Variants in RYR2 observed in about 807,000 individuals in gnomAD.
RYR2 encodes the protein ryanodine receptor 2, also known as cardiac muscle ryanodine receptor-calcium release channel.
Under a neutral mutation model 601.1 loss-of-function variants are expected in RYR2, and 227 were observed. The observed-to-expected ratio is 0.38, with a 90% CI of 0.34 to 0.42. RYR2 has a LOEUF of 0.42. Among genes scored for constraint, RYR2 ranks in the 10% least tolerant of loss-of-function variants. RYR2 has a pLI of 1.00. For synonymous variants in RYR2, 2,223 were observed against 2,175.1 expected (o/e 1.02, Z -0.61); for missense variants, 4,646 against 6,156.5 (o/e 0.75, Z 8.21).
At chr1:237,540,002 G>A (rs527823302) in intron 25 of RYR2, among the ~76,000 whole-genome samples, 64 of 152,060 alleles carry the variant, frequency 4.2e-4, no homozygotes, top group African/African-American at 1.4e-3. Flanking sequence ...TGGATGATTC[G>A]TTGTAGTTTT....
chr1:237,400,133 A>G (rs1240160359), intron 10 of RYR2, among the ~76,000 whole-genome samples: 2 of 152,218 alleles, frequency 1.3e-5, no homozygotes, highest in African/African-American at 2.4e-5. Flanking sequence ...ATCTTTGTTG[A>G]AAAACTGTAG....
chr1:237,470,944 T>C (rs1237207746), intron 17 of RYR2, among the ~76,000 whole-genome samples: 1 of 151,640 alleles, frequency 6.6e-6, no homozygotes, highest in African/African-American at 2.4e-5. Flanking sequence ...GAGATCACGA[T>C]TGAGAAATCT....
intron 1 of RYR2, among the ~76,000 whole-genome samples, chr1:237,131,281 A>G (rs1324159742): frequency 1.3e-5 from 2 of 152,052 alleles, no homozygotes; most frequent in African/African-American, 4.8e-5. Flanking sequence ...AACTTCTCAC[A>G]CTAATGGCCT....
At chr1:237,107,387 G>A (rs950020611) in intron 1 of RYR2, among the ~76,000 whole-genome samples, 18 of 151,270 alleles carry the variant, frequency 1.2e-4, no homozygotes, top group African/African-American at 2.9e-4. Flanking sequence ...TGGACGTGGT[G>A]GCGGGCGCCT....
chr1:237,072,396 G>A (rs1664471747), intron 1 of RYR2, among the ~76,000 whole-genome samples: 1 of 152,184 alleles, frequency 6.6e-6, no homozygotes, highest in Non-Finnish European at 1.5e-5. Context: ...GAGCGGATGG[G>A]CAGAGGAGAT....
chr1:237,330,754 G>A, intron 2 of RYR2, 124 bp from the exon 3 acceptor site: 2 of 729,000 alleles, frequency 2.7e-6, no homozygotes, highest in Non-Finnish European at 2.5e-6. Context: ...GATGACTGGG[G>A]AACTTGCAGT....
intron 1 of RYR2, among the ~76,000 whole-genome samples, chr1:237,186,887 G>A (rs1415440865): frequency 6.6e-6 from 1 of 152,212 alleles, no homozygotes; most frequent in Non-Finnish European, 1.5e-5. Flanking sequence ...GGAGGCTGCA[G>A]CCCGCATTGA....
chr1:237,085,403 A>G (rs6428989), intron 1 of RYR2, among the ~76,000 whole-genome samples: 126,042 of 152,154 alleles, frequency 0.83, 54,392 homozygotes, highest in Non-Finnish European at 0.95. Context: ...TCCCTGTTGC[A>G]TAAAATAAAA....
intron 10 of RYR2, among the ~76,000 whole-genome samples, chr1:237,405,821 T>A (rs532137577): frequency 6.6e-6 from 1 of 151,962 alleles, no homozygotes; most frequent in Non-Finnish European, 1.5e-5. Context: ...TGCTTTCAGA[T>A]TAATATCCAA....
intron 2 of RYR2, among the ~76,000 whole-genome samples, chr1:237,309,740 C>T (rs1430601875): frequency 6.6e-6 from 1 of 152,164 alleles, no homozygotes; most frequent in Non-Finnish European, 1.5e-5. Flanking sequence ...GAGGCTCGGG[C>T]ATGGCAGGCT....
chr1:237,463,733 G>A (rs1659738332), intron 16 of RYR2, among the ~76,000 whole-genome samples: 1 of 152,096 alleles, frequency 6.6e-6, no homozygotes, highest in Non-Finnish European at 1.5e-5. Context: ...AAAGAGTATT[G>A]TAAAGTTTTA....
intron 90 of RYR2, among the ~76,000 whole-genome samples, chr1:237,785,300 C>T (rs1040896671): frequency 1.3e-5 from 2 of 152,164 alleles, no homozygotes; most frequent in Admixed American, 1.3e-4. Context: ...TGGCATTATT[C>T]TCACAGAGCA....
At chr1:237,093,531 C>G (rs529943141) in intron 1 of RYR2, among the ~76,000 whole-genome samples, 1 of 152,238 alleles carries the variant, frequency 6.6e-6, no homozygotes, top group South Asian at 2.1e-4. Context: ...TGACCCTGGC[C>G]TGGGCTCAGG....
At chr1:237,597,512 C>A (rs981455596) in intron 34 of RYR2, among the ~76,000 whole-genome samples, 4 of 151,660 alleles carry the variant, frequency 2.6e-5, no homozygotes, top group African/African-American at 9.7e-5. Flanking sequence ...GATCTCCTGA[C>A]CTTGTGATCC....
chr1:237,247,834 G>A (rs989164919), intron 1 of RYR2, among the ~76,000 whole-genome samples: 2 of 152,174 alleles, frequency 1.3e-5, no homozygotes, highest in Non-Finnish European at 2.9e-5. Context: ...GGATATCTTA[G>A]GTGAGTCTTA....
At chr1:237,216,487 C>T (rs376465440) in intron 1 of RYR2, among the ~76,000 whole-genome samples, 9 of 151,962 alleles carry the variant, frequency 5.9e-5, no homozygotes, top group Non-Finnish European at 1.2e-4. Flanking sequence ...CCTGTAATCC[C>T]AGCACTTTGA....
intron 8 of RYR2, among the ~76,000 whole-genome samples, chr1:237,380,945 G>A (rs764700630): frequency 1.1e-4 from 16 of 152,150 alleles, no homozygotes; most frequent in Admixed American, 5.9e-4. Context: ...AGGCGTGGTG[G>A]CAGGTGCCAG....
At chr1:237,346,538 A>G (rs1443932629) in intron 3 of RYR2, among the ~76,000 whole-genome samples, 2 of 152,168 alleles carry the variant, frequency 1.3e-5, no homozygotes, top group African/African-American at 4.8e-5. Flanking sequence ...TATACTTAAG[A>G]ATAAAATTTC....
chr1:237,666,323 AT>A lies in RYR2; in HGVS notation c.8437-185del, dbSNP rs1309421724. ...TTTTCAGAATTATCAATCATAAATCATTTTCAGACACCCAAATATAATTTTA... is the reference window on the plus strand; with the variant it reads ...TTTTCAGAATTATCAATCATAAATCATTTCAGACACCCAAATATAATTTTA... On this transcript the variant is annotated intron_variant, in intron 56 of 104. Transcript: ENST00000366574. Among the ~76,000 whole-genome samples the A allele has an allele frequency of 2.6e-5, 4 of 152,336 alleles. No individual in the cohort carries two copies. The East Asian group carries it at 7.7e-4, about 29-fold the overall frequency.
Sources: allele counts gnomAD v4.1 joint callset (sites outside exome capture counted in the v4.1 genomes callset), GRCh38; gene constraint gnomAD v4.1.1; transcripts MANE v1.5; gene names NCBI Gene and HGNC (gene_info 2026-07-23, HGNC 2026-07-21).